The following WNK1 variants were observed in gnomAD, a reference collection of about 807,000 sequenced individuals.
WNK1 encodes WNK lysine deficient protein kinase 1, also known as serine/threonine-protein kinase WNK1.
In WNK1, 38 loss-of-function variants were observed where a neutral mutation model predicts 222.8. That is an observed-to-expected ratio of 0.17 (90% confidence interval 0.13 to 0.22). The LOEUF is 0.22. Ranked by LOEUF, WNK1 falls within the 10% of genes least tolerant of loss-of-function variation. The pLI, the probability that WNK1 is intolerant of heterozygous loss-of-function variation, is 1.00. For synonymous variants in WNK1, 1,090 were observed against 1,092.9 expected (o/e 1.00, Z 0.05); for missense variants, 2,348 against 2,918.4 (o/e 0.80, Z 4.50).
intron 1 of WNK1, among the ~76,000 whole-genome samples, chr12:780,624 G>A (rs1943599874): frequency 1.3e-5 from 2 of 152,378 alleles, no homozygotes; most frequent in South Asian, 4.1e-4. Flanking sequence ...AGTTGCATGT[G>A]TTAAGCTGCA....
At chr12:787,388 A>C (rs542258995) in intron 1 of WNK1, among the ~76,000 whole-genome samples, 12 of 152,252 alleles carry the variant, frequency 7.9e-5, no homozygotes, top group African/African-American at 2.9e-4. Context: ...AAGTGCTAGG[A>C]TTTCAGGCGT....
chr12:869,001 T>G, intron 8 of WNK1: 1 of 1,609,912 alleles, frequency 6.2e-7, no homozygotes, highest in Non-Finnish European at 8.5e-7. Context: ...CCTCAGACAG[T>G]GTTACAAGAA....
At chr12:790,295 G>C (rs1037929820) in intron 1 of WNK1, among the ~76,000 whole-genome samples, 22 of 151,976 alleles carry the variant, frequency 1.4e-4, no homozygotes, top group Non-Finnish European at 2.6e-4. Flanking sequence ...TTAGGGATGG[G>C]GTCTTGCTAT....
Position 827,358 on chromosome 12 carries a change from T to A in WNK1, c.1153+96T>A. ...TCAGAGTTTTAAGTGATATAAACCT[T>A]AAGAAATTCATAGCTTGAACTCAGG... is the stretch of plus-strand genomic sequence containing the variant. On this transcript the variant is annotated intron_variant, in intron 3 of 27. Transcript: ENST00000315939. This position sits in a 1 kb window ranked among gnomAD's most constrained non-coding sequence, Gnocchi z 4.6. The A allele has an allele frequency of 9.1e-7, 1 of 1,103,214 alleles. No individual in the cohort carries two copies. Among genetic ancestry groups the A allele is most frequent in the Non-Finnish European group, 1.4e-6 (1 of 722,654 alleles). The allele number at this position is 1,103,214 out of a possible 1,614,324, so 68.3% of individuals were successfully genotyped here. A position where few individuals can be genotyped will look rare whatever the true frequency, so the allele number is the denominator to read the frequency against.
intron 4 of WNK1, among the ~76,000 whole-genome samples, chr12:844,336 A>G (rs1236644500): frequency 6.6e-6 from 1 of 152,082 alleles, no homozygotes; most frequent in African/African-American, 2.4e-5. Flanking sequence ...GGGTTTCACC[A>G]TGTTGGCCAG....
chr12:905,238 C>T (rs1266824319), intron 26 of WNK1, among the ~76,000 whole-genome samples: 2 of 152,124 alleles, frequency 1.3e-5, no homozygotes, highest in Non-Finnish European at 2.9e-5. Flanking sequence ...AGTCAAGTCT[C>T]CTTTTCTTAG....
chr12:882,954 A>G lies in WNK1; in HGVS notation c.3384A>G (p.Lys1128=). ...TTTTTTCTTTTTAGGTTTCAAATAA[A>G]GGAGACCGAGTAGTAGAATGTCAAT... The part of the protein sequence containing the change: ...PKLRILNVSN[K]GDRVVECQLE... Residue 1128 remains lysine, a synonymous_variant, in exon 15 of 28, where the codon AAA becomes AAG. Coordinates refer to ENST00000315939, the MANE Select transcript of WNK1 (RefSeq NM_018979.4). The G allele has an allele frequency of 6.2e-7, 1 of 1,608,814 alleles. No individual in the cohort carries two copies.
At chr12:762,443 C>T (rs1022357530) in intron 1 of WNK1, among the ~76,000 whole-genome samples, 1 of 147,496 alleles carries the variant, frequency 6.8e-6, no homozygotes, top group Non-Finnish European at 1.5e-5. Flanking sequence ...TTTTAAAATT[C>T]ATGTTGTTTT....
chr12:777,538 TA>T (rs1943253625), intron 1 of WNK1, among the ~76,000 whole-genome samples: 1 of 152,218 alleles, frequency 6.6e-6, no homozygotes, highest in South Asian at 2.1e-4. Context: ...GCACTTGTGT[TA>T]CTTTGGACCA....
intron 20 of WNK1, 102 bp downstream of exon 20, chr12:887,406 T>G: frequency 9.0e-7 from 1 of 1,115,240 alleles, no homozygotes; most frequent in Non-Finnish European, 1.4e-6. Context: ...TATTTGTCTT[T>G]GACTTAGTAA....
At chr12:868,374 C>G in intron 8 of WNK1, 1 of 1,613,912 alleles carries the variant, frequency 6.2e-7, no homozygotes, top group Non-Finnish European at 8.5e-7. Context: ...AAACAGATAC[C>G]TGAACAGAAG....
chr12:896,122 G>T lies in WNK1; in HGVS notation c.5635G>T (p.Asp1879Tyr). 6.2e-7 allele frequency: 1 copy of T among 1,614,216 alleles called. No individual in the cohort carries two copies. The highest frequency in any genetic ancestry group is 8.5e-7 in the Non-Finnish European group (1 of 1,180,048). The change falls in exon 24 of 28, where the codon GAT (aspartate) becomes TAT (tyrosine). Residue 1879 changes from aspartate to tyrosine, a missense_variant. Asp to Tyr is a radical substitution (Grantham distance 160, BLOSUM62 -3). This residue lies in a region of WNK1 where 1,144 missense variants were observed against 1,273.6 expected (regional missense o/e 0.90). Coordinates refer to ENST00000315939, the MANE Select transcript of WNK1 (RefSeq NM_018979.4). The stretch of plus-strand genomic sequence containing the variant: ...GAAAGAGGGTAAAAATAAGTCAGAA[G>T]ATGCAAAGTCTGTTCATTTTGAATC... ...AQKEGKNKSE[D>Y]AKSVHFESST...
At chr12:796,357 G>A (rs1945310820) in intron 1 of WNK1, among the ~76,000 whole-genome samples, 1 of 151,990 alleles carries the variant, frequency 6.6e-6, no homozygotes, top group African/African-American at 2.4e-5. Flanking sequence ...TGAAGTATAG[G>A]AACCAGAGAA....
chr12:860,055 A>G (rs999031037), intron 6 of WNK1, among the ~76,000 whole-genome samples: 1 of 152,168 alleles, frequency 6.6e-6, no homozygotes, highest in Non-Finnish European at 1.5e-5. Flanking sequence ...ATATATATAC[A>G]TAGGGATAGA....
At position 909,486 on chromosome 12, in the gene WNK1, ATGT is replaced by A. The variant is rs1955946224; in HGVS notation, c.*700_*702del. The A allele has an allele frequency of 6.6e-6, 1 of 152,248 alleles. No individual in the cohort carries two copies. Among genetic ancestry groups the A allele is most frequent in the Non-Finnish European group, 1.5e-5 (1 of 68,064 alleles). 9.4% of individuals were successfully genotyped at this position (152,248 alleles called of 1,614,324 possible). On this transcript the variant is annotated 3_prime_UTR_variant, in exon 28 of 28. Transcript: ENST00000315939. ...ATGTGGAAACACTGTGATATATAAA[ATGT>A]TGTTGGACAACAGTAGTTTTAAGAG...
At chr12:785,417 C>T (rs1432575190) in intron 1 of WNK1, among the ~76,000 whole-genome samples, 2 of 135,536 alleles carry the variant, frequency 1.5e-5, no homozygotes, top group African/African-American at 2.7e-5. Flanking sequence ...CCCACCCCCT[C>T]GAAGTGGAGT....
chr12:753,540 G>A lies in WNK1; in HGVS notation c.-26G>A, dbSNP rs1435216471. ...CCTTTTCGTTCACGAATCCGAGCCCGCTCGCCTCTCTCCAGCGAACCGACC... is the reference window on the plus strand; with the variant it reads ...CCTTTTCGTTCACGAATCCGAGCCCACTCGCCTCTCTCCAGCGAACCGACC... On this transcript the variant is annotated 5_prime_UTR_variant, in exon 1 of 28. Transcript: ENST00000315939. This position sits in a 1 kb window ranked among gnomAD's most constrained non-coding sequence, Gnocchi z 5.2. 1.9e-6 allele frequency: 3 copies of A among 1,611,252 alleles called. No homozygotes were observed. The highest frequency in any genetic ancestry group is 1.1e-5 in the South Asian group (1 of 91,006).
chr12:879,963 A>T lies in WNK1; in HGVS notation c.2764A>T (p.Met922Leu). 6.2e-7 allele frequency: 1 copy of T among 1,614,190 alleles called. No homozygotes were observed. Among genetic ancestry groups the T allele is most frequent in the Non-Finnish European group, 8.5e-7 (1 of 1,180,032 alleles). The change falls in exon 11 of 28, where the codon ATG becomes TTG. Residue 922 changes from methionine (M) to leucine (L), a missense_variant. Met to Leu is a conservative substitution (Grantham distance 15). This residue lies in a region of WNK1 where 547 missense variants were observed against 558.3 expected (regional missense o/e 0.98). Transcript: ENST00000315939. The stretch of plus-strand genomic sequence containing the variant: ...GCTCCTACAACCAGCAGTTCAGTCC[A>T]TGGGAATACCAGCTAACCTTGGACA... ...PQLLQPAVQS[M>L]GIPANLGQAA...
chr12:864,350 A>G (rs1045026127), intron 8 of WNK1, among the ~76,000 whole-genome samples: 41 of 152,200 alleles, frequency 2.7e-4, no homozygotes, highest in African/African-American at 9.2e-4. Flanking sequence ...ACCTCAAGTG[A>G]TCCACCTGCC....
Sources: allele counts gnomAD v4.1 joint callset (sites outside exome capture counted in the v4.1 genomes callset), GRCh38; gene constraint gnomAD v4.1.1; regional missense constraint gnomAD v4.1.1; non-coding constraint Gnocchi (gnomAD v3.1); transcripts MANE v1.5; gene names NCBI Gene and HGNC (gene_info 2026-07-23, HGNC 2026-07-21).